DPY19L3: variants seen among roughly 807,000 people sequenced by gnomAD.
The protein encoded by DPY19L3 is dpy-19 like C-mannosyltransferase 3.
A neutral mutation model predicts 92.3 loss-of-function variants in DPY19L3; 51 were observed. That is an observed-to-expected ratio of 0.55 (90% CI 0.44 to 0.70). The LOEUF (loss-of-function observed/expected upper bound fraction) is 0.70. DPY19L3 is among the 30% of genes least tolerant of loss of function. The pLI is 0.00. For synonymous variants in DPY19L3, 309 were observed against 315.2 expected, an observed-to-expected ratio of 0.98 and a Z score of 0.21; for missense variants, 706 against 855.9, an observed-to-expected ratio of 0.82 and a Z score of 2.18.
chr19:32,442,942 A>G (rs1292476704), intron 8 of DPY19L3, among the ~76,000 whole-genome samples: 1 of 152,208 alleles, frequency 6.6e-6, no homozygotes, highest in African/African-American at 2.4e-5. Flanking sequence ...TCCCAGAGAC[A>G]TCTGTGAAGG....
intron 3 of DPY19L3, among the ~76,000 whole-genome samples, chr19:32,418,383 A>G (rs1324839449): frequency 2.0e-5 from 3 of 152,248 alleles, no homozygotes; most frequent in Non-Finnish European, 4.4e-5. Context: ...AGCATTGTCC[A>G]ATAGGACTAT....
At chr19:32,442,831 A>G (rs190393683) in intron 8 of DPY19L3, among the ~76,000 whole-genome samples, 2 of 152,314 alleles carry the variant, frequency 1.3e-5, no homozygotes, top group African/African-American at 4.8e-5. Context: ...TTCAGTGGGA[A>G]GCCTAGATTC....
intron 8 of DPY19L3, among the ~76,000 whole-genome samples, chr19:32,441,963 T>C (rs572932120): frequency 6.6e-6 from 1 of 152,228 alleles, no homozygotes; most frequent in Non-Finnish European, 1.5e-5. Flanking sequence ...AGTATCAGAC[T>C]TTAAGGAGGA....
intron 9 of DPY19L3, among the ~76,000 whole-genome samples, chr19:32,453,725 TA>T (rs1568347817): frequency 6.6e-6 from 1 of 152,160 alleles, no homozygotes; most frequent in East Asian, 1.9e-4. Context: ...CATACCATAC[TA>T]GTTATTTTTA....
At chr19:32,443,330 G>A (rs1437074896) in intron 8 of DPY19L3, among the ~76,000 whole-genome samples, 4 of 152,180 alleles carry the variant, frequency 2.6e-5, no homozygotes, top group Non-Finnish European at 4.4e-5. Context: ...TTCCCCATTA[G>A]CATAGCGTTG....
At chr19:32,416,095 A>G (rs1416636342) in intron 3 of DPY19L3, among the ~76,000 whole-genome samples, 1 of 152,178 alleles carries the variant, frequency 6.6e-6, no homozygotes, top group Non-Finnish European at 1.5e-5. Flanking sequence ...GAGTTTTATG[A>G]GTGATGAGGA....
intron 8 of DPY19L3, among the ~76,000 whole-genome samples, chr19:32,441,388 GAAAA>G (rs1969317350): frequency 6.6e-6 from 1 of 151,790 alleles, no homozygotes; most frequent in Non-Finnish European, 1.5e-5. Context: ...AAAGGTTCTG[GAAAA>G]ATACACAGTA....
chr19:32,416,384 A>G (rs1041705190), intron 3 of DPY19L3, among the ~76,000 whole-genome samples: 46 of 152,170 alleles, frequency 3.0e-4, no homozygotes, highest in Non-Finnish European at 6.8e-4. Context: ...GACACCAGCT[A>G]TCCACCGTTA....
rs376996445 is a variant in DPY19L3, at chr19:32,420,904, G to T, written c.237+9532G>T. 8.5e-5 allele frequency among the ~76,000 whole-genome samples: 13 copies of T among 152,172 alleles called. No homozygotes were observed. In the East Asian group the frequency reaches 2.1e-3, roughly 25 times the overall value. On this transcript the variant is annotated intron_variant, in intron 3 of 18. Transcript: ENST00000392250. ...TAATATTCATTACCCTTAACAAAAA[G>T]CAGTTTTCATTTTTCCCTTCCATTC...
intron 16 of DPY19L3, among the ~76,000 whole-genome samples, chr19:32,475,203 T>C (rs1020119149): frequency 2.0e-5 from 3 of 152,222 alleles, no homozygotes; most frequent in African/African-American, 4.8e-5. Context: ...ATTCCTATTA[T>C]ACATTCAAAA....
Position 32,482,274 on chromosome 19 carries a change from G to A in DPY19L3, c.*34G>A, listed in dbSNP as rs766342099. The A allele has an allele frequency of 5.9e-5, 94 of 1,593,994 alleles. No homozygotes were observed. The highest frequency in any genetic ancestry group is 9.0e-5 in the East Asian group (4 of 44,686). The stretch of plus-strand genomic sequence containing the variant: ...TCTGCCCAGTGTCTATTTTTGATAC[G>A]GAGAAACTGCATCATGATGAAACTC... On this transcript the variant is annotated 3_prime_UTR_variant, in exon 19 of 19. Coordinates refer to ENST00000392250, the MANE Select transcript of DPY19L3 (RefSeq NM_001172774.2).
chr19:32,409,978 G>A (rs1968121661), intron 2 of DPY19L3, among the ~76,000 whole-genome samples: 1 of 152,116 alleles, frequency 6.6e-6, no homozygotes, highest in Admixed American at 6.5e-5. Flanking sequence ...TGGCCAAATG[G>A]GATGCTCATT....
chr19:32,437,668 A>G (rs926483046), intron 6 of DPY19L3, among the ~76,000 whole-genome samples: 7 of 152,186 alleles, frequency 4.6e-5, no homozygotes, highest in African/African-American at 1.7e-4. Flanking sequence ...TAAATTGGCA[A>G]ATAATAATTA....
intron 3 of DPY19L3, among the ~76,000 whole-genome samples, chr19:32,428,841 C>CTTG (rs1968862113): frequency 6.7e-6 from 1 of 149,520 alleles, no homozygotes; most frequent in Non-Finnish European, 1.5e-5. Flanking sequence ...TGTTTTTTTT[C>CTTG]TTGTTGTTGT....
At chr19:32,476,261 C>G (rs1026066130) in intron 16 of DPY19L3, among the ~76,000 whole-genome samples, 10 of 152,080 alleles carry the variant, frequency 6.6e-5, no homozygotes, top group Non-Finnish European at 1.3e-4. Context: ...TGCTCCAAAA[C>G]CATGGAGAAC....
intron 3 of DPY19L3, among the ~76,000 whole-genome samples, chr19:32,413,773 T>C (rs1968280874): frequency 6.6e-6 from 1 of 151,906 alleles, no homozygotes; most frequent in Admixed American, 6.6e-5. Context: ...CAGGCTGGAG[T>C]GCAATGGCAC....
At chr19:32,463,141 C>T (rs1267734537) in intron 12 of DPY19L3, among the ~76,000 whole-genome samples, 5 of 150,682 alleles carry the variant, frequency 3.3e-5, no homozygotes, top group Non-Finnish European at 7.4e-5. Context: ...ATTTTTACTT[C>T]AAAGCTGCTG....
At chr19:32,413,257 T>G (rs1968255379) in intron 3 of DPY19L3, 1 of 152,110 alleles carries the variant, frequency 6.6e-6, no homozygotes, top group Non-Finnish European at 1.5e-5. Context: ...CCAAAGAAAG[T>G]TTTCCAAAAC....
chr19:32,444,725 G>T (rs937417690), intron 8 of DPY19L3, among the ~76,000 whole-genome samples: 1 of 151,980 alleles, frequency 6.6e-6, no homozygotes, highest in East Asian at 1.9e-4. Context: ...AAAATTGAAA[G>T]TAGTCAGAAA....
Sources: allele counts gnomAD v4.1 joint callset (sites outside exome capture counted in the v4.1 genomes callset), GRCh38; gene constraint gnomAD v4.1.1; transcripts MANE v1.5; gene names NCBI Gene and HGNC (gene_info 2026-07-23, HGNC 2026-07-21).